The following NCBP3 variants were observed in gnomAD, a reference collection of about 807,000 sequenced individuals.
The protein encoded by NCBP3 is nuclear cap binding subunit 3.
In NCBP3, 20 loss-of-function variants were observed where a neutral mutation model predicts 75.7. The observed-to-expected ratio is 0.26, with a 90% CI of 0.19 to 0.38. NCBP3 has a LOEUF of 0.38. NCBP3 is among the 10% of genes least tolerant of loss of function. The pLI, the probability that NCBP3 is intolerant of heterozygous loss-of-function variation, is 1.00. For missense variants in NCBP3, 678 were observed against 796.9 expected (o/e 0.85, Z 1.80); for synonymous variants, 293 against 290.5 (o/e 1.01, Z -0.09).
In NCBP3 at chr17:3,818,422, CG is replaced by C; in HGVS notation, c.1150del (p.Arg384GlyfsTer23). 6.2e-7 allele frequency: 1 copy of C among 1,614,090 alleles called. No homozygotes were observed. Among genetic ancestry groups the C allele is most frequent in the Non-Finnish European group, 8.5e-7 (1 of 1,180,016 alleles). ...HEELPALKQP[R>X]ERSASRRSSA... is the part of the protein sequence containing the mutation. ...GGATCGTCTAGACGCGCTCCGCTCC[CG>C]GGGCTGCTTGAGAGCCGGGAGCTCC... On this transcript the variant is annotated frameshift_variant, in exon 10 of 13. Transcript: ENST00000389005. LOFTEE classifies it high-confidence loss of function. The surrounding 1 kb of genome is among the most constrained non-coding windows in gnomAD (Gnocchi z 4.7).
chr17:3,828,498 A>G (rs1031021741), intron 4 of NCBP3, among the ~76,000 whole-genome samples: 1 of 152,206 alleles, frequency 6.6e-6, no homozygotes, highest in Non-Finnish European at 1.5e-5. Flanking sequence ...CTACGAGAGC[A>G]GCTAAGAAAA....
chr17:3,831,992 T>C (rs1426700420), intron 3 of NCBP3, among the ~76,000 whole-genome samples: 4 of 119,288 alleles, frequency 3.4e-5, no homozygotes, highest in African/African-American at 1.0e-4. Flanking sequence ...GAGATCAGCC[T>C]GGACAACATG....
chr17:3,829,481 T>C (rs1168858450), intron 3 of NCBP3, 113 bp from the exon 4 acceptor site: 1 of 1,149,830 alleles, frequency 8.7e-7, no homozygotes, highest in Non-Finnish European at 1.2e-6. Flanking sequence ...AGAAACATGC[T>C]GAGAGAAACT....
chr17:3,836,183 A>T (rs537834236), intron 3 of NCBP3, among the ~76,000 whole-genome samples: 9 of 152,206 alleles, frequency 5.9e-5, no homozygotes, highest in Non-Finnish European at 1.3e-4. Context: ...GCAGGAGTCA[A>T]CATGGTTATT....
At chr17:3,817,942 T>C (rs945255041) in intron 10 of NCBP3, among the ~76,000 whole-genome samples, 3 of 151,512 alleles carry the variant, frequency 2.0e-5, no homozygotes, top group African/African-American at 4.9e-5. Flanking sequence ...TATACAAATA[T>C]ATCTACAGCT....
chr17:3,845,456 C>T (rs1405140383), intron 1 of NCBP3, among the ~76,000 whole-genome samples: 1 of 152,152 alleles, frequency 6.6e-6, no homozygotes, highest in African/African-American at 2.4e-5. Context: ...AGTTTGCTTT[C>T]ATTAAGAGTC....
At chr17:3,840,046 G>C in intron 3 of NCBP3, 54 bp downstream of exon 3, 5 of 1,410,270 alleles carry the variant, frequency 3.5e-6, no homozygotes, top group Non-Finnish European at 4.9e-6. Flanking sequence ...TGATGGCAGG[G>C]AAAAGGCACT....
chr17:3,821,378 C>CA, intron 8 of NCBP3, 26 bp from the exon 9 acceptor site: 1 of 1,551,648 alleles, frequency 6.4e-7, no homozygotes, highest in African/African-American at 1.4e-5. Flanking sequence ...AATAAGCACA[C>CA]AATCAAAAAC....
intron 4 of NCBP3, 132 bp downstream of exon 4, chr17:3,829,111 T>A: frequency 1.0e-6 from 1 of 1,004,894 alleles, no homozygotes; most frequent in Non-Finnish European, 1.4e-6. Flanking sequence ...CAATTTTTTC[T>A]CTCCTGGACT....
At chr17:3,813,808 C>T (rs1053962514) in intron 12 of NCBP3, among the ~76,000 whole-genome samples, 2 of 152,044 alleles carry the variant, frequency 1.3e-5, no homozygotes, top group Non-Finnish European at 2.9e-5. Flanking sequence ...GTGGTGCAGG[C>T]GCCCACCACC....
Position 3,818,440 on chromosome 17 carries a change from G to T in NCBP3, c.1133C>A (p.Pro378Gln). 1 of 1,613,968 alleles carries T rather than the reference G, an allele frequency of 6.2e-7. No homozygotes were observed. Among genetic ancestry groups the T allele is most frequent in the African/African-American group, 1.3e-5 (1 of 74,988 alleles). Residue 378 changes from proline (P) to glutamine (Q), a missense_variant, in exon 10 of 13, where the codon CCG becomes CAG. Pro to Gln is a moderately conservative substitution (Grantham distance 76). Coordinates refer to ENST00000389005, the MANE Select transcript of NCBP3 (RefSeq NM_001114118.3). This position sits in a 1 kb window ranked among gnomAD's most constrained non-coding sequence, Gnocchi z 4.7. The part of the protein sequence containing the change: ...RVVVEYHEEL[P>Q]ALKQPRERSA... ...CCGCTCCCGGGGCTGCTTGAGAGCC[G>T]GGAGCTCCTCGTGGTACTCTACCAC...
In NCBP3 at chr17:3,815,238, T is replaced by C. The variant is rs577360339; in HGVS notation, c.1466-755A>G. Among the ~76,000 whole-genome samples, 179 of 152,300 alleles carry C rather than the reference T, an allele frequency of 1.2e-3. 1 individual carries two copies. Among genetic ancestry groups the C allele is most frequent in the African/African-American group, 3.7e-3 (153 of 41,578 alleles). The stretch of plus-strand genomic sequence containing the variant: ...CCACCCTCAAGTTGTCTTTCTAAAA[T>C]AGATGTAAGATCAGGTTACTTCTCA... On this transcript the variant is annotated intron_variant, in intron 11 of 12. Transcript: ENST00000389005.
rs1386458512 is a variant in NCBP3 at position 3,802,297 on chromosome 17, G to C, written c.*10747C>G. On this transcript the variant is annotated 3_prime_UTR_variant, in exon 13 of 13. Coordinates refer to ENST00000389005, the MANE Select transcript of NCBP3 (RefSeq NM_001114118.3). ...TTAACCCAGGGTGGACAATGGTGTT[G>C]ACTTCATTACTAGATAAAAATCCAT... 1 of 152,072 alleles carries C rather than the reference G, an allele frequency of 6.6e-6. No homozygotes were observed. The highest frequency in any genetic ancestry group is 1.9e-4 in the East Asian group (1 of 5,196). 9.4% of individuals were successfully genotyped at this position (152,072 alleles called of 1,614,324 possible).
intron 3 of NCBP3, among the ~76,000 whole-genome samples, chr17:3,829,597 G>T (rs1375561752): frequency 6.6e-6 from 1 of 152,216 alleles, no homozygotes; most frequent in African/African-American, 2.4e-5. Context: ...GGCTCAGAAA[G>T]ATTAAACAAA....
chr17:3,829,460 C>T (rs1321749946), intron 3 of NCBP3, 92 bp from the exon 4 acceptor site: 17 of 1,367,958 alleles, frequency 1.2e-5, no homozygotes, highest in East Asian at 5.1e-5. Flanking sequence ...TCAGACAACA[C>T]GAGTTTAGAA....
intron 3 of NCBP3, among the ~76,000 whole-genome samples, chr17:3,835,223 AG>A (rs2053953194): frequency 6.6e-6 from 1 of 152,250 alleles, no homozygotes; most frequent in East Asian, 1.9e-4. Context: ...TTTTTAAAAA[AG>A]TGCCTCAAGT....
intron 7 of NCBP3, 131 bp from the exon 8 acceptor site, chr17:3,822,183 A>G (rs2053680222): frequency 4.7e-6 from 3 of 641,582 alleles, no homozygotes; most frequent in Non-Finnish European, 5.4e-6. Flanking sequence ...AAAATCCACT[A>G]CCAACATTCA....
At chr17:3,826,942 A>G (rs959676889) in intron 4 of NCBP3, among the ~76,000 whole-genome samples, 9 of 120,468 alleles carry the variant, frequency 7.5e-5, no homozygotes, top group East Asian at 6.6e-4. Flanking sequence ...CCCGGGAGGC[A>G]GAGCTTGCAG....
At position 3,816,127 on chromosome 17, in the gene NCBP3, C is replaced by G; in HGVS notation, c.1454G>C (p.Ser485Thr). ...GTGAGGAACAGTACCTGATTTAGTA[C>G]TGCTGACTGGTGGCCGTGGACGGGA... ...QHSRPRPPVS[S>T]TKSDIRQRLG... Residue 485 changes from serine to threonine, a missense_variant, in exon 11 of 13, where the codon AGT (serine) becomes ACT (threonine). By Grantham distance (58) the Ser-to-Thr change is moderately conservative. Transcript: ENST00000389005. 6.2e-7 allele frequency: 1 copy of G among 1,613,814 alleles called. No individual in the cohort carries two copies.
Sources: allele counts gnomAD v4.1 joint callset (sites outside exome capture counted in the v4.1 genomes callset), GRCh38; gene constraint gnomAD v4.1.1; non-coding constraint Gnocchi (gnomAD v3.1); transcripts MANE v1.5; gene names NCBI Gene and HGNC (gene_info 2026-07-23, HGNC 2026-07-21).